The following DOCK10 variants were observed in gnomAD, a reference collection of about 807,000 sequenced individuals.
DOCK10 encodes the protein dedicator of cytokinesis 10.
Under a neutral mutation model 280.1 loss-of-function variants are expected in DOCK10, and 145 were observed. The ratio of observed to expected loss-of-function variants is 0.52; its 90% CI spans 0.45 to 0.59. The LOEUF is 0.59. DOCK10 is among the 20% of genes least tolerant of loss of function. The probability of loss-of-function intolerance (pLI) is 0.00; values close to 1 mark genes in which losing one functional copy is unlikely to be tolerated. For missense variants in DOCK10, 2,368 were observed against 2,651.7 expected (o/e 0.89, Z 2.35); for synonymous variants, 915 against 942.2 (o/e 0.97, Z 0.53).
chr2:224,875,769 C>T (rs545213698), intron 8 of DOCK10, among the ~76,000 whole-genome samples: 1 of 152,260 alleles, frequency 6.6e-6, no homozygotes, highest in African/African-American at 2.4e-5. Flanking sequence ...TGGACATGAG[C>T]ACATTTTGGA....
At chr2:224,824,531 A>C (rs1166333837) in intron 27 of DOCK10, among the ~76,000 whole-genome samples, 1 of 139,720 alleles carries the variant, frequency 7.2e-6, no homozygotes, top group Non-Finnish European at 1.5e-5. Context: ...CTACCTCCTC[A>C]GTTTAAGTAA....
intron 25 of DOCK10, among the ~76,000 whole-genome samples, chr2:224,835,214 T>C (rs1695516287): frequency 6.6e-6 from 1 of 152,240 alleles, no homozygotes; most frequent in Non-Finnish European, 1.5e-5. Flanking sequence ...TCAAGAGTAA[T>C]ACAATTTTTC....
At chr2:225,026,540 G>T (rs1440357498) in intron 1 of DOCK10, among the ~76,000 whole-genome samples, 1 of 152,238 alleles carries the variant, frequency 6.6e-6, no homozygotes, top group Non-Finnish European at 1.5e-5. Flanking sequence ...CTGATGTGGA[G>T]TGGCCAGGGG....
intron 1 of DOCK10, among the ~76,000 whole-genome samples, chr2:224,959,576 G>C (rs1429094641): frequency 6.6e-6 from 1 of 151,776 alleles, no homozygotes; most frequent in Non-Finnish European, 1.5e-5. Flanking sequence ...CTCTCAGCTG[G>C]ATTCTACTTC....
chr2:224,934,928 A>G (rs1702602721), intron 1 of DOCK10, among the ~76,000 whole-genome samples: 2 of 152,218 alleles, frequency 1.3e-5, no homozygotes, highest in African/African-American at 4.8e-5. Context: ...GGCACCCACC[A>G]GTACCTGTTA....
chr2:225,009,938 T>G (rs1272621368), intron 1 of DOCK10, among the ~76,000 whole-genome samples: 1 of 152,180 alleles, frequency 6.6e-6, no homozygotes, highest in Non-Finnish European at 1.5e-5. Flanking sequence ...TGGTTAACCG[T>G]TAACTGAGTA....
intron 11 of DOCK10, among the ~76,000 whole-genome samples, chr2:224,871,646 A>T (rs1574970265): frequency 6.6e-6 from 1 of 152,176 alleles, no homozygotes; most frequent in African/African-American, 2.4e-5. Context: ...TTCAGTTCCT[A>T]GAACTTGCTA....
At chr2:224,865,138 G>A (rs1697819793) in intron 11 of DOCK10, 51 bp from the exon 12 acceptor site, 1 of 1,552,448 alleles carries the variant, frequency 6.4e-7, no homozygotes, top group African/African-American at 1.4e-5. Flanking sequence ...CATTATCCAT[G>A]AGACAGCCTC....
At chr2:224,936,023 C>T (rs1012623924) in intron 1 of DOCK10, among the ~76,000 whole-genome samples, 6 of 152,036 alleles carry the variant, frequency 3.9e-5, no homozygotes, top group African/African-American at 1.4e-4. Context: ...GAGATTATAC[C>T]CAATGAGTGA....
In DOCK10 at chr2:224,857,017, A is replaced by C. The variant is rs375034808; in HGVS notation, c.1686-35T>G. 9.9e-5 allele frequency: 152 copies of C among 1,540,262 alleles called. 1 individual carries two copies. The Middle Eastern group carries it at 1.0e-3, about 10-fold the overall frequency. The stretch of plus-strand genomic sequence containing the variant: ...AATATTTATTCAGGTTGGTAGTTGG[A>C]TATTGTTTATAAAGTTGTGTTTTTA... On this transcript the variant is annotated intron_variant, in intron 14 of 55. Coordinates refer to ENST00000258390, the MANE Select transcript of DOCK10 (RefSeq NM_014689.3).
intron 50 of DOCK10, among the ~76,000 whole-genome samples, chr2:224,785,377 TG>T (rs1196259452): frequency 6.6e-6 from 1 of 152,128 alleles, no homozygotes; most frequent in African/African-American, 2.4e-5. Context: ...GATATTCCTG[TG>T]TCCTGAGAAA....
At chr2:225,041,414 C>G (rs1367553965) in intron 1 of DOCK10, among the ~76,000 whole-genome samples, 1 of 152,156 alleles carries the variant, frequency 6.6e-6, no homozygotes, top group Non-Finnish European at 1.5e-5. Flanking sequence ...CCACCTCTCC[C>G]CGGCAGTGTG....
chr2:224,895,276 A>G (rs1207590051), intron 4 of DOCK10, among the ~76,000 whole-genome samples: 1 of 152,260 alleles, frequency 6.6e-6, no homozygotes, highest in Non-Finnish European at 1.5e-5. Context: ...GAAATATAGC[A>G]AAGTGGTTCC....
At chr2:224,918,536 G>A (rs986843240) in intron 2 of DOCK10, among the ~76,000 whole-genome samples, 13 of 147,122 alleles carry the variant, frequency 8.8e-5, no homozygotes, top group East Asian at 2.1e-4. Flanking sequence ...AGTGTGTGAC[G>A]AATGTGTATA....
At chr2:224,864,453 T>G in intron 13 of DOCK10, 100 bp downstream of exon 13, 7 of 1,176,486 alleles carry the variant, frequency 5.9e-6, no homozygotes, top group Non-Finnish European at 8.1e-6. Flanking sequence ...GAGGTTGCAG[T>G]GAGCTGCGAT....
chr2:224,972,543 T>C (rs1705149497), intron 1 of DOCK10, among the ~76,000 whole-genome samples: 1 of 152,202 alleles, frequency 6.6e-6, no homozygotes, highest in Non-Finnish European at 1.5e-5. Context: ...ATAAAAAATC[T>C]ACTCACAATT....
At chr2:224,906,522 G>C (rs934480198) in intron 3 of DOCK10, among the ~76,000 whole-genome samples, 1 of 151,670 alleles carries the variant, frequency 6.6e-6, no homozygotes, top group Non-Finnish European at 1.5e-5. Flanking sequence ...GGAGTGCAGT[G>C]TGCTGGAGTG....
chr2:224,818,454 A>G (rs1278786844), intron 29 of DOCK10, among the ~76,000 whole-genome samples: 1 of 138,778 alleles, frequency 7.2e-6, no homozygotes, highest in East Asian at 2.1e-4. Context: ...GTTGGAATGC[A>G]GTGGCGCGAT....
chr2:224,903,976 C>G (rs1575028905), intron 3 of DOCK10, among the ~76,000 whole-genome samples: 2 of 152,054 alleles, frequency 1.3e-5, no homozygotes, highest in African/African-American at 4.8e-5. Flanking sequence ...TATATTTTAT[C>G]CTAAGTTCAG....
Sources: allele counts gnomAD v4.1 joint callset (sites outside exome capture counted in the v4.1 genomes callset), GRCh38; gene constraint gnomAD v4.1.1; transcripts MANE v1.5; gene names NCBI Gene and HGNC (gene_info 2026-07-23, HGNC 2026-07-21).